IKZF2: variants seen among roughly 807,000 people sequenced by gnomAD.
The protein encoded by IKZF2 is IKAROS family zinc finger 2.
A neutral mutation model predicts 49.2 loss-of-function variants in IKZF2; 15 were observed. The observed-to-expected ratio is 0.30, with a 90% CI of 0.20 to 0.47. IKZF2 has a LOEUF of 0.47. Among genes scored for constraint, IKZF2 ranks in the 20% least tolerant of loss-of-function variants. The pLI is 1.00. For missense variants in IKZF2, 567 were observed against 664.6 expected, an observed-to-expected ratio of 0.85 and a Z score of 1.61; for synonymous variants, 227 against 221.4, an observed-to-expected ratio of 1.03 and a Z score of -0.23.
At chr2:213,108,856 A>G (rs189018403) in intron 4 of IKZF2, among the ~76,000 whole-genome samples, 2 of 152,218 alleles carry the variant, frequency 1.3e-5, no homozygotes, top group Admixed American at 6.5e-5. Context: ...ATCACAAAGA[A>G]TCCCAACACT....
At chr2:213,010,393 C>T (rs945931072) in intron 8 of IKZF2, among the ~76,000 whole-genome samples, 3 of 152,014 alleles carry the variant, frequency 2.0e-5, no homozygotes, top group Non-Finnish European at 4.4e-5. Context: ...TTGCACTGGG[C>T]CCCATGTTTA....
intron 7 of IKZF2, among the ~76,000 whole-genome samples, chr2:213,015,787 ATGT>A (rs937548175): frequency 3.3e-5 from 5 of 152,094 alleles, no homozygotes; most frequent in Non-Finnish European, 5.9e-5. Context: ...GAAAAAAAAA[ATGT>A]TGTTGTAAAT....
chr2:213,068,678 A>G (rs1702382959), intron 4 of IKZF2, among the ~76,000 whole-genome samples: 1 of 152,090 alleles, frequency 6.6e-6, no homozygotes. Flanking sequence ...GGCATGCCTA[A>G]TTCTATGTGT....
intron 4 of IKZF2, among the ~76,000 whole-genome samples, chr2:213,071,796 CACTAAT>C (rs540247352): frequency 2.0e-5 from 3 of 152,046 alleles, no homozygotes; most frequent in Non-Finnish European, 4.4e-5. Context: ...AGGTAGTTCT[CACTAAT>C]ACTTCCTAGC....
intron 4 of IKZF2, among the ~76,000 whole-genome samples, chr2:213,090,864 C>T (rs990372806): frequency 3.9e-5 from 6 of 152,166 alleles, no homozygotes; most frequent in Non-Finnish European, 5.9e-5. Context: ...ATACTGCTTA[C>T]ACCTTAATCT....
Position 213,013,800 on chromosome 2 carries a change from T to C in IKZF2, c.847A>G (p.Lys283Glu). 1 of 1,609,708 alleles carries C rather than the reference T, an allele frequency of 6.2e-7. No individual in the cohort carries two copies. The highest frequency in any genetic ancestry group is 8.5e-7 in the Non-Finnish European group (1 of 1,177,680). The change falls in exon 8 of 9, where the codon AAG becomes GAG. Residue 283 changes from lysine to glutamate, a missense_variant. Lys to Glu is a moderately conservative substitution (Grantham distance 56). Coordinates refer to ENST00000434687, the MANE Select transcript of IKZF2 (RefSeq NM_001387220.1). ...CATTTGTAATGCTTACCCACAAACTTTTGTGGAGTGGAGCTTTTACGTTTT... is the reference window on the plus strand; with the variant it reads ...CATTTGTAATGCTTACCCACAAACTCTTGTGGAGTGGAGCTTTTACGTTTT... ...MGKRKSSTPQ[K>E]FVGEKLMRFS...
chr2:213,040,444 A>G (rs1388309492), intron 6 of IKZF2, among the ~76,000 whole-genome samples: 1 of 152,070 alleles, frequency 6.6e-6, no homozygotes, highest in Non-Finnish European at 1.5e-5. Flanking sequence ...TTTAACACAC[A>G]TATATGTTTC....
At chr2:213,076,946 G>C (rs1421162326) in intron 4 of IKZF2, among the ~76,000 whole-genome samples, 4 of 152,146 alleles carry the variant, frequency 2.6e-5, no homozygotes, top group Non-Finnish European at 5.9e-5. Context: ...TATGAACTTA[G>C]TGAGTCTGAA....
intron 4 of IKZF2, among the ~76,000 whole-genome samples, chr2:213,084,531 C>G (rs1704337870): frequency 6.6e-6 from 1 of 150,506 alleles, no homozygotes; most frequent in African/African-American, 2.4e-5. Context: ...ACAGAAGTAA[C>G]AAGGTCTACA....
chr2:213,042,159 GTTAC>G (rs544997889), intron 6 of IKZF2, among the ~76,000 whole-genome samples: 41 of 152,062 alleles, frequency 2.7e-4, no homozygotes, highest in Non-Finnish European at 5.0e-4. Context: ...ATCATTAGGA[GTTAC>G]TTCAGTAGAG....
chr2:213,120,521 A>G (rs1285097503), intron 4 of IKZF2, among the ~76,000 whole-genome samples: 11 of 152,224 alleles, frequency 7.2e-5, no homozygotes. Context: ...AGACAAAAAG[A>G]TAGATTGGGC....
intron 4 of IKZF2, among the ~76,000 whole-genome samples, chr2:213,114,003 G>A (rs765325847): frequency 5.3e-5 from 8 of 152,032 alleles, no homozygotes; most frequent in East Asian, 1.9e-4. Context: ...AATCAGTTAC[G>A]TCTAATACAT....
At chr2:213,021,854 T>G (rs1697254948) in intron 7 of IKZF2, 139 bp downstream of exon 7, 1 of 868,630 alleles carries the variant, frequency 1.2e-6, no homozygotes, top group South Asian at 1.8e-5. Flanking sequence ...ATACAGATTA[T>G]TTGCAATGTA....
intron 5 of IKZF2, among the ~76,000 whole-genome samples, chr2:213,051,924 C>G (rs187215988): frequency 1.5e-4 from 23 of 152,026 alleles, no homozygotes; most frequent in Admixed American, 1.4e-3. Context: ...AGATAATACT[C>G]CTATAGCATG....
chr2:213,146,064 T>C (rs2061047175), intron 4 of IKZF2, among the ~76,000 whole-genome samples: 1 of 152,062 alleles, frequency 6.6e-6, no homozygotes, highest in Non-Finnish European at 1.5e-5. Context: ...TTTCCTGTGG[T>C]TGTGTCTAGG....
At chr2:213,065,107 T>A (rs1702046933) in intron 4 of IKZF2, among the ~76,000 whole-genome samples, 1 of 152,066 alleles carries the variant, frequency 6.6e-6, no homozygotes, top group South Asian at 2.1e-4. Context: ...AACACATTTA[T>A]ACATCTCTAC....
intron 4 of IKZF2, among the ~76,000 whole-genome samples, chr2:213,060,012 G>A (rs1028329007): frequency 1.3e-5 from 2 of 151,166 alleles, no homozygotes; most frequent in East Asian, 3.9e-4. Flanking sequence ...TCAATAAAGT[G>A]CAACACATTT....
At chr2:213,094,812 T>A (rs779772433) in intron 4 of IKZF2, among the ~76,000 whole-genome samples, 14 of 151,950 alleles carry the variant, frequency 9.2e-5, no homozygotes, top group Admixed American at 4.6e-4. Context: ...GAGGACAGAA[T>A]CAAAAGAAAT....
At chr2:213,139,044 T>C (rs1211415303) in intron 4 of IKZF2, among the ~76,000 whole-genome samples, 2 of 152,024 alleles carry the variant, frequency 1.3e-5, no homozygotes, top group South Asian at 2.1e-4. Flanking sequence ...GGAAGTATCC[T>C]TTATGGGCAC....
Sources: gnomAD v4.1 joint callset for allele counts (sites outside exome capture counted in the v4.1 genomes callset) on GRCh38, gnomAD v4.1.1 for gene constraint, MANE v1.5 for transcripts, NCBI Gene and HGNC (gene_info 2026-07-23, HGNC 2026-07-21) for gene names.